The following ARSB variants were observed in gnomAD, a reference collection of about 807,000 sequenced individuals.
ARSB encodes the protein N-acetylgalactosamine-4-sulfatase.
In ARSB, 41 loss-of-function variants were observed where a neutral mutation model predicts 50.9. That is an observed-to-expected ratio of 0.81 (90% CI 0.63 to 1.04). ARSB has a LOEUF of 1.04. Ranked by LOEUF, ARSB falls within the 50% of genes least tolerant of loss-of-function variation. The pLI is 0.00. For missense variants in ARSB, 672 were observed against 693.3 expected, an observed-to-expected ratio of 0.97 and a Z score of 0.35; for synonymous variants, 269 against 284.8, an observed-to-expected ratio of 0.94 and a Z score of 0.56.
chr5:78,793,589 G>A (rs1338767864), intron 6 of ARSB, among the ~76,000 whole-genome samples: 1 of 152,210 alleles, frequency 6.6e-6, no homozygotes. Context: ...TAAGGAGACA[G>A]CAGAGAGCTG....
intron 1 of ARSB, among the ~76,000 whole-genome samples, chr5:78,970,744 AG>A (rs1395595451): frequency 4.6e-5 from 7 of 152,212 alleles, no homozygotes; most frequent in African/African-American, 1.7e-4. Context: ...GCTTGACTCC[AG>A]GAATTCCAGA....
intron 5 of ARSB, 82 bp downstream of exon 5, chr5:78,885,502 A>G: frequency 6.4e-7 from 1 of 1,564,570 alleles, no homozygotes; most frequent in Non-Finnish European, 8.7e-7. Flanking sequence ...ATTTTAACAC[A>G]AAAGCTATCA....
At chr5:78,877,037 C>A (rs988619851) in intron 5 of ARSB, among the ~76,000 whole-genome samples, 3 of 152,186 alleles carry the variant, frequency 2.0e-5, no homozygotes, top group African/African-American at 4.8e-5. Flanking sequence ...CAAAACCAGT[C>A]CCTGGTGCCA....
chr5:78,950,500 T>C (rs958868601), intron 4 of ARSB, among the ~76,000 whole-genome samples: 1 of 151,938 alleles, frequency 6.6e-6, no homozygotes, highest in East Asian at 1.9e-4. Flanking sequence ...CAGAAGACAA[T>C]AGGCAGGAAA....
chr5:78,830,605 G>A (rs927389547), intron 6 of ARSB, among the ~76,000 whole-genome samples: 9 of 152,314 alleles, frequency 5.9e-5, no homozygotes, highest in South Asian at 4.1e-4. Context: ...GGTTTCATGC[G>A]TGCTCCTTGA....
At chr5:78,941,102 T>TAAGAATGC (rs1750895489) in intron 4 of ARSB, among the ~76,000 whole-genome samples, 1 of 149,832 alleles carries the variant, frequency 6.7e-6, no homozygotes. Flanking sequence ...TATTGGTGTA[T>TAAGAATGC]AAGAATGCTT....
intron 4 of ARSB, 141 bp from the exon 5 acceptor site, chr5:78,885,968 T>G: frequency 2.3e-6 from 3 of 1,324,102 alleles, no homozygotes; most frequent in Non-Finnish European, 3.2e-6. Flanking sequence ...CCACCCTAAA[T>G]TCCCTTTTCC....
At position 78,985,159 on chromosome 5, in the gene ARSB, C is replaced by T; in HGVS notation, c.90G>A (p.Leu30=). The T allele has an allele frequency of 7.1e-7, 1 of 1,417,474 alleles. No homozygotes were observed. The highest frequency in any genetic ancestry group is 9.2e-7 in the Non-Finnish European group (1 of 1,082,948). The allele number at this position is 1,417,474 out of a possible 1,614,324, so 87.8% of individuals were successfully genotyped here. ...CGCCCGAGCCCGGCGGCGCCAACAA[C>T]AGCAGCAGCAGCAGCGGGAGGACGA... The part of the protein sequence containing the change: ...LPVVLPLLLL[L]LLAPPGSGAG... The change falls in exon 1 of 8, where the codon CTG becomes CTA. Residue 30 remains leucine (L), a synonymous_variant. Transcript: ENST00000264914.
chr5:78,820,434 G>A (rs1281794731), intron 6 of ARSB, among the ~76,000 whole-genome samples: 3 of 151,982 alleles, frequency 2.0e-5, no homozygotes, highest in Non-Finnish European at 2.9e-5. Flanking sequence ...GGTGGTGGAC[G>A]CCTATAGTCC....
chr5:78,911,572 TAAAAAAAAAAAAAAAAAAAAA>T (rs71001137), intron 4 of ARSB, among the ~76,000 whole-genome samples: 58 of 67,840 alleles, frequency 8.5e-4, no homozygotes, highest in South Asian at 1.8e-3. Context: ...AGACTCCCTC[TAAAAAAAAAAAAAAAAAAAAA>T]AAAAAAAAAA....
intron 5 of ARSB, among the ~76,000 whole-genome samples, chr5:78,869,327 C>T (rs1385970413): frequency 1.4e-5 from 2 of 138,360 alleles, no homozygotes; most frequent in Non-Finnish European, 3.1e-5. Flanking sequence ...TAGACATCTA[C>T]AGAACTCTCC....
At chr5:78,947,791 C>G (rs758432441) in intron 4 of ARSB, among the ~76,000 whole-genome samples, 5 of 152,088 alleles carry the variant, frequency 3.3e-5, no homozygotes, top group Admixed American at 2.0e-4. Context: ...AGTATATACC[C>G]AAAAGAAAGA....
intron 4 of ARSB, among the ~76,000 whole-genome samples, chr5:78,940,636 T>C (rs1311192397): frequency 6.6e-6 from 1 of 152,230 alleles, no homozygotes; most frequent in African/African-American, 2.4e-5. Flanking sequence ...TCTGTTCCAT[T>C]GGTCTATATC....
intron 4 of ARSB, among the ~76,000 whole-genome samples, chr5:78,948,907 G>C (rs1273766096): frequency 2.0e-5 from 3 of 152,186 alleles, no homozygotes; most frequent in African/African-American, 7.2e-5. Flanking sequence ...TAAAAATGGA[G>C]ATTTTTGGGC....
chr5:78,875,438 C>T (rs1367177840), intron 5 of ARSB, among the ~76,000 whole-genome samples: 2 of 151,706 alleles, frequency 1.3e-5, no homozygotes, highest in African/African-American at 4.8e-5. Context: ...TAATAATATA[C>T]AGAATTCTTG....
intron 6 of ARSB, among the ~76,000 whole-genome samples, chr5:78,797,337 T>C (rs1462835414): frequency 1.3e-5 from 2 of 152,236 alleles, no homozygotes; most frequent in African/African-American, 4.8e-5. Context: ...TTCGTTCCTC[T>C]AGTTTCCATG....
chr5:78,979,244 A>C (rs1307732416), intron 1 of ARSB, among the ~76,000 whole-genome samples: 1 of 152,266 alleles, frequency 6.6e-6, no homozygotes, highest in Non-Finnish European at 1.5e-5. Context: ...GTTCAACATC[A>C]TTAGTCATTA....
chr5:78,777,308 TA>T lies in ARSB; in HGVS notation c.*3088del, dbSNP rs1314696942. 1.3e-5 allele frequency: 2 copies of T among 152,516 alleles called. No individual in the cohort carries two copies. The highest frequency in any genetic ancestry group is 2.9e-5 in the Non-Finnish European group (2 of 68,046). The allele number at this position is 152,516 out of a possible 1,614,324, so 9.4% of individuals were successfully genotyped here. A position where few individuals can be genotyped will look rare whatever the true frequency, so the allele number is the denominator to read the frequency against. ...AGTTGGTTGACACATTTAAAAATTG[TA>T]ATAAAACATAAAACTTAACATTTTA... On this transcript the variant is annotated 3_prime_UTR_variant, in exon 8 of 8. Coordinates refer to ENST00000264914, the MANE Select transcript of ARSB (RefSeq NM_000046.5).
chr5:78,979,480 G>A (rs938058314), intron 1 of ARSB, among the ~76,000 whole-genome samples: 3 of 152,220 alleles, frequency 2.0e-5, no homozygotes, highest in African/African-American at 7.2e-5. Context: ...AAGACAGCCA[G>A]GTGGGAGGGG....
Sources: allele counts gnomAD v4.1 joint callset (sites outside exome capture counted in the v4.1 genomes callset), GRCh38; gene constraint gnomAD v4.1.1; transcripts MANE v1.5; gene names NCBI Gene and HGNC (gene_info 2026-07-23, HGNC 2026-07-21).